Variants in CTSK observed in about 807,000 individuals in gnomAD.
The protein encoded by CTSK is cathepsin O.
A neutral mutation model predicts 40.5 loss-of-function variants in CTSK; 26 were observed. The observed-to-expected ratio is 0.64, with a 90% CI of 0.47 to 0.89. CTSK has a LOEUF of 0.89. Ranked by LOEUF, CTSK falls within the 40% of genes least tolerant of loss-of-function variation. The pLI, the probability that CTSK is intolerant of heterozygous loss-of-function variation, is 0.00. For synonymous variants in CTSK, 132 were observed against 143.2 expected (o/e 0.92, Z 0.56); for missense variants, 292 against 400.1 (o/e 0.73, Z 2.30).
chr1:150,803,911 G>A (rs1654037766), intron 5 of CTSK, 110 bp downstream of exon 5: 1 of 986,788 alleles, frequency 1.0e-6, no homozygotes. Flanking sequence ...CATCAAGAAA[G>A]CAGGATAGGA....
chr1:150,806,129 T>C lies in CTSK; in HGVS notation c.216A>G (p.Glu72=), dbSNP rs143688533. The C allele has an allele frequency of 6.2e-7, 1 of 1,614,104 alleles. No individual in the cohort carries two copies. The highest frequency in any genetic ancestry group is 1.7e-5 in the Admixed American group (1 of 60,012). The change falls in exon 3 of 8, where the codon GAA becomes GAG. Residue 72 remains glutamate (E), a synonymous_variant. Coordinates refer to ENST00000271651, the MANE Select transcript of CTSK (RefSeq NM_000396.4). ...LEASLGVHTY[E]LAMNHLGDMT... is the part of the protein sequence containing the mutation. ...TGTCCCCCAGGTGGTTCATAGCCAG[T>C]TCATATGTATGGACACCAAGAGAAG...
rs777061480 is a variant in CTSK at position 150,805,992 on chromosome 1, T to C, written c.268A>G (p.Met90Val). 6.2e-6 allele frequency: 10 copies of C among 1,614,046 alleles called. No homozygotes were observed. In the East Asian group the frequency reaches 1.8e-4, roughly 29 times the overall value. Residue 90 changes from methionine to valine, a missense_variant, in exon 4 of 8, where the codon ATG (methionine) becomes GTG (valine). Transcript: ENST00000271651. ...GACAGGGGTACTTTGAGTCCAGTCA[T>C]CTTCTGAACCACCTCTTCACTGGTC... ...DMTSEEVVQKMTGLKVPLSHS... is the reference protein window; with the variant it reads ...DMTSEEVVQKVTGLKVPLSHS...
At chr1:150,803,539 T>C (rs1448305199) in intron 5 of CTSK, among the ~76,000 whole-genome samples, 2 of 152,210 alleles carry the variant, frequency 1.3e-5, no homozygotes, top group African/African-American at 4.8e-5. Context: ...TAGAGGATCA[T>C]GCAGGAGGAA....
chr1:150,804,286 C>T, intron 4 of CTSK, 47 bp from the exon 5 acceptor site: 1 of 1,442,798 alleles, frequency 6.9e-7, no homozygotes, highest in Non-Finnish European at 9.7e-7. Flanking sequence ...TTTACATTTT[C>T]TATATCTTCT....
At chr1:150,808,019 T>C (rs1049527082) in intron 1 of CTSK, among the ~76,000 whole-genome samples, 195 bp downstream of exon 1, 4 of 152,216 alleles carry the variant, frequency 2.6e-5, no homozygotes, top group Non-Finnish European at 5.9e-5. Flanking sequence ...TGTATGTATA[T>C]ATATAAATCA....
At chr1:150,800,918 C>G (rs1033465444) in intron 5 of CTSK, 1 of 152,196 alleles carries the variant, frequency 6.6e-6, no homozygotes, top group Non-Finnish European at 1.5e-5. Flanking sequence ...TTTCAAGATG[C>G]CTTTGTTTCT....
chr1:150,806,338 T>G, intron 2 of CTSK, 114 bp from the exon 3 acceptor site: 1 of 1,230,752 alleles, frequency 8.1e-7, no homozygotes, highest in Admixed American at 2.1e-5. Flanking sequence ...TACAGTTTAG[T>G]TGGGGAACTA....
intron 5 of CTSK, among the ~76,000 whole-genome samples, chr1:150,802,020 G>C (rs954633784): frequency 3.3e-5 from 5 of 150,322 alleles, no homozygotes; most frequent in African/African-American, 1.2e-4. Context: ...GCTCACACCT[G>C]TAATCCCAGC....
rs767846570 is a variant in CTSK, at chr1:150,799,760, G to A, written c.619-51C>T. ...ACTAGGACAAAGCAATAGGCAATGA[G>A]TCAGTGAGTAAGAAACTCAACCAAT... is the stretch of plus-strand genomic sequence containing the variant. On this transcript the variant is annotated intron_variant, in intron 5 of 7. Transcript: ENST00000271651. 5.2e-6 allele frequency: 8 copies of A among 1,547,938 alleles called. No individual in the cohort carries two copies. The East Asian group carries it at 1.1e-4, about 22-fold the overall frequency.
At position 150,796,448 on chromosome 1, in the gene CTSK, A is replaced by G. The variant is rs998783780; in HGVS notation, c.*351T>C. 2 of 402,646 alleles carry G rather than the reference A, an allele frequency of 5.0e-6. No homozygotes were observed. The highest frequency in any genetic ancestry group is 2.0e-5 in the African/African-American group (1 of 49,178). 24.9% of individuals were successfully genotyped at this position (402,646 alleles called of 1,614,324 possible). Reference sequence around the variant, plus strand: ...TAGTCCTCTAGGGTGCTTAAAGCTAACTAGTCCCGTGAATGAGAATCTAAC... The same window carrying G: ...TAGTCCTCTAGGGTGCTTAAAGCTAGCTAGTCCCGTGAATGAGAATCTAAC... On this transcript the variant is annotated 3_prime_UTR_variant, in exon 8 of 8. Transcript: ENST00000271651.
intron 5 of CTSK, among the ~76,000 whole-genome samples, chr1:150,802,788 T>G (rs1176927590): frequency 2.0e-5 from 3 of 151,728 alleles, no homozygotes; most frequent in Non-Finnish European, 4.4e-5. Flanking sequence ...ATCCTAGCTA[T>G]TTGGGAGGCT....
intron 7 of CTSK, among the ~76,000 whole-genome samples, chr1:150,797,986 C>T (rs1434523779): frequency 6.6e-6 from 1 of 152,132 alleles, no homozygotes; most frequent in Non-Finnish European, 1.5e-5. Context: ...AGTCTGTCAG[C>T]GACCCAGAGT....
intron 5 of CTSK, among the ~76,000 whole-genome samples, chr1:150,801,445 T>A (rs1653986752): frequency 6.6e-6 from 1 of 151,980 alleles, no homozygotes; most frequent in Admixed American, 6.6e-5. Context: ...AAATTTTATT[T>A]TTTCTTACCT....
At chr1:150,799,737 T>C in intron 5 of CTSK, 28 bp from the exon 6 acceptor site, 17 of 1,610,128 alleles carry the variant, frequency 1.1e-5, no homozygotes, top group Non-Finnish European at 1.4e-5. Flanking sequence ...GTAATAGGAC[T>C]AGGACAAAGC....
At chr1:150,807,143 G>A (rs1654122334) in intron 1 of CTSK, 2 of 435,966 alleles carry the variant, frequency 4.6e-6, no homozygotes, top group South Asian at 3.7e-5. Context: ...ACCAGAAATG[G>A]GGGATAGAAA....
At chr1:150,803,487 C>T (rs1654031086) in intron 5 of CTSK, among the ~76,000 whole-genome samples, 1 of 152,176 alleles carries the variant, frequency 6.6e-6, no homozygotes, top group Non-Finnish European at 1.5e-5. Flanking sequence ...TAAAAAACCC[C>T]TCAGGTTGCC....
intron 6 of CTSK, 126 bp from the exon 7 acceptor site, chr1:150,799,399 T>A (rs1653939110): frequency 1.7e-6 from 2 of 1,197,664 alleles, no homozygotes; most frequent in Admixed American, 1.7e-5. Flanking sequence ...GAGATGCTGC[T>A]CCATACTGCA....
chr1:150,806,924 G>A, intron 1 of CTSK, 118 bp from the exon 2 acceptor site: 1 of 1,237,862 alleles, frequency 8.1e-7, no homozygotes, highest in Non-Finnish European at 1.2e-6. Flanking sequence ...ATGATAGTCA[G>A]GAGGGGCCTG....
Position 150,799,701 on chromosome 1 carries a change from A to G in CTSK, c.627T>C (p.Ser209=), listed in dbSNP as rs746855297. Reference sequence around the variant, plus strand: ...CCTTGCCTGTTGGGTTGTACATACAACTCTCTTCCTGGAAGAAACAAGATT... The same window carrying G: ...CCTTGCCTGTTGGGTTGTACATACAGCTCTCTTCCTGGAAGAAACAAGATT... ...DAYPYVGQEE[S]CMYNPTGKAA... is the part of the protein sequence containing the mutation. Residue 209 remains serine (S), a synonymous_variant, in exon 6 of 8, where the codon AGT becomes AGC. Coordinates refer to ENST00000271651, the MANE Select transcript of CTSK (RefSeq NM_000396.4). 3 of 1,613,858 alleles carry G rather than the reference A, an allele frequency of 1.9e-6. No individual in the cohort carries two copies. Among genetic ancestry groups the G allele is most frequent in the African/African-American group, 1.3e-5 (1 of 74,838 alleles).
Sources: allele counts gnomAD v4.1 joint callset (sites outside exome capture counted in the v4.1 genomes callset), GRCh38; gene constraint gnomAD v4.1.1; transcripts MANE v1.5; gene names NCBI Gene and HGNC (gene_info 2026-07-23, HGNC 2026-07-21).